CACNB2: variants seen among roughly 807,000 people sequenced by gnomAD.
CACNB2 encodes calcium voltage-gated channel auxiliary subunit beta 2, also known as voltage-dependent L-type calcium channel subunit beta-2.
A neutral mutation model predicts 73.3 loss-of-function variants in CACNB2; 42 were observed. The ratio of observed to expected loss-of-function variants is 0.57; its 90% CI spans 0.45 to 0.74. CACNB2 has a LOEUF of 0.74. CACNB2 is among the 30% of genes least tolerant of loss of function. CACNB2 has a pLI of 0.00. For synonymous variants in CACNB2, 348 were observed against 310.3 expected (o/e 1.12, Z -1.28); for missense variants, 940 against 853.0 (o/e 1.10, Z -1.27).
At chr10:18,296,287 T>C (rs1281381806) in intron 2 of CACNB2, among the ~76,000 whole-genome samples, 2 of 152,158 alleles carry the variant, frequency 1.3e-5, no homozygotes, top group Non-Finnish European at 2.9e-5. Context: ...GTTCCCTTTC[T>C]GGATTACATT....
At chr10:18,347,842 C>T (rs943753343) in intron 2 of CACNB2, among the ~76,000 whole-genome samples, 1 of 152,138 alleles carries the variant, frequency 6.6e-6, no homozygotes, top group Non-Finnish European at 1.5e-5. Context: ...CGTGACTTCG[C>T]TTAATGAGAT....
At chr10:18,299,585 C>T (rs371425138) in intron 2 of CACNB2, among the ~76,000 whole-genome samples, 67 of 152,258 alleles carry the variant, frequency 4.4e-4, no homozygotes, top group Middle Eastern at 6.8e-3. Flanking sequence ...GTGGCATATA[C>T]CTTTACTCCC....
intron 3 of CACNB2, among the ~76,000 whole-genome samples, chr10:18,465,717 TG>T (rs1319784334): frequency 6.6e-6 from 1 of 152,040 alleles, no homozygotes; most frequent in Non-Finnish European, 1.5e-5. Flanking sequence ...CCTCTCCCTT[TG>T]TCAACCATGC....
At chr10:18,193,561 T>C (rs905397860) in intron 2 of CACNB2, among the ~76,000 whole-genome samples, 13 of 152,184 alleles carry the variant, frequency 8.5e-5, no homozygotes, top group Non-Finnish European at 1.9e-4. Flanking sequence ...AGGGCAGTAC[T>C]CCCTTCTGGA....
At chr10:18,518,588 C>T (rs756828187) in intron 8 of CACNB2, among the ~76,000 whole-genome samples, 172 bp downstream of exon 8, 12 of 152,230 alleles carry the variant, frequency 7.9e-5, no homozygotes, top group African/African-American at 1.4e-4. Flanking sequence ...TACACTGCTT[C>T]GTCCTTTTTC....
At position 18,518,948 on chromosome 10, in the gene CACNB2, A is replaced by G. The variant is rs1407806193; in HGVS notation, c.924A>G (p.Leu308=). 1 of 1,613,916 alleles carries G rather than the reference A, an allele frequency of 6.2e-7. No homozygotes were observed. Among genetic ancestry groups the G allele is most frequent in the Admixed American group, 1.7e-5 (1 of 60,022 alleles). The change falls in exon 9 of 14, where the codon TTA becomes TTG. Residue 308 remains leucine, a synonymous_variant. Transcript: ENST00000324631. The part of the protein sequence containing the change: ...DMMQKALFDF[L]KHRFEGRISI... Reference sequence around the variant, plus strand: ...TGCAAAAAGCGCTGTTTGATTTTTTAAAACACAGATTTGAAGGGCGGTGAG... The same window carrying G: ...TGCAAAAAGCGCTGTTTGATTTTTTGAAACACAGATTTGAAGGGCGGTGAG...
chr10:18,336,212 G>T (rs2040999246), intron 2 of CACNB2, among the ~76,000 whole-genome samples: 1 of 152,220 alleles, frequency 6.6e-6, no homozygotes, highest in African/African-American at 2.4e-5. Flanking sequence ...AAGCCAGTTT[G>T]AAAGATTATG....
chr10:18,387,302 G>C (rs1336895644), intron 2 of CACNB2, among the ~76,000 whole-genome samples: 1 of 152,020 alleles, frequency 6.6e-6, no homozygotes, highest in African/African-American at 2.4e-5. Context: ...CCCTCATAGT[G>C]TCCCATGGCT....
intron 2 of CACNB2, among the ~76,000 whole-genome samples, chr10:18,243,203 A>G (rs2036731498): frequency 6.6e-6 from 1 of 152,116 alleles, no homozygotes; most frequent in African/African-American, 2.4e-5. Flanking sequence ...AGTAATACAC[A>G]AAGTCCCTAA....
intron 2 of CACNB2, among the ~76,000 whole-genome samples, chr10:18,243,751 C>T (rs1000488139): frequency 1.3e-5 from 2 of 152,150 alleles, no homozygotes; most frequent in African/African-American, 4.8e-5. Flanking sequence ...CACACCTGAT[C>T]CCCTTCCGGC....
intron 2 of CACNB2, among the ~76,000 whole-genome samples, chr10:18,236,284 A>C (rs2036441374): frequency 6.6e-6 from 1 of 152,204 alleles, no homozygotes; most frequent in Non-Finnish European, 1.5e-5. Flanking sequence ...CCATTGGTTA[A>C]AACCAAACAC....
chr10:18,193,808 G>A (rs1279385386), intron 2 of CACNB2, among the ~76,000 whole-genome samples: 1 of 152,090 alleles, frequency 6.6e-6, no homozygotes, highest in Non-Finnish European at 1.5e-5. Flanking sequence ...TTATATGCTG[G>A]GTACTCCTCT....
intron 3 of CACNB2, among the ~76,000 whole-genome samples, chr10:18,463,802 T>C (rs2047716159): frequency 6.6e-6 from 1 of 152,028 alleles, no homozygotes; most frequent in South Asian, 2.1e-4. Flanking sequence ...TGACATATTA[T>C]GGACATTATG....
chr10:18,311,364 A>G (rs1256531527), intron 2 of CACNB2, among the ~76,000 whole-genome samples: 1 of 152,174 alleles, frequency 6.6e-6, no homozygotes, highest in African/African-American at 2.4e-5. Context: ...CTGCGGCTCC[A>G]TGTAGATAGG....
intron 2 of CACNB2, among the ~76,000 whole-genome samples, chr10:18,271,002 TGCTCTCAGTCAGTCTATGAA>T (rs1424388615): frequency 2.0e-5 from 3 of 152,200 alleles, no homozygotes. Flanking sequence ...ATGGGGGTAA[TGCTCTCAGTCAGTCTATGAA>T]GCTTCCCCTA....
chr10:18,401,079 G>A, intron 2 of CACNB2: 4 of 1,614,196 alleles, frequency 2.5e-6, no homozygotes, highest in Non-Finnish European at 3.4e-6. Flanking sequence ...AGGGAGGAAG[G>A]CTGAAGAATT....
intron 3 of CACNB2, among the ~76,000 whole-genome samples, chr10:18,475,640 A>G (rs929413991): frequency 6.6e-6 from 1 of 152,142 alleles, no homozygotes; most frequent in Non-Finnish European, 1.5e-5. Flanking sequence ...CCTTACCCCA[A>G]ATAACAAATC....
At chr10:18,316,195 G>T (rs957003114) in intron 2 of CACNB2, among the ~76,000 whole-genome samples, 8 of 151,996 alleles carry the variant, frequency 5.3e-5, no homozygotes, top group African/African-American at 1.9e-4. Flanking sequence ...AAGGTTAATA[G>T]GTACTTGAAA....
intron 3 of CACNB2, among the ~76,000 whole-genome samples, chr10:18,464,418 T>TAAAATAAAAAAAAAA (rs1554824204): frequency 4.5e-4 from 38 of 85,294 alleles, no homozygotes; most frequent in African/African-American, 6.0e-4. Flanking sequence ...TCTCAAAAAT[T>TAAAATAAAAAAAAAA]AAAAAAAAAA....
Sources: gnomAD v4.1 joint callset for allele counts (sites outside exome capture counted in the v4.1 genomes callset) on GRCh38, gnomAD v4.1.1 for gene constraint, MANE v1.5 for transcripts, NCBI Gene and HGNC (gene_info 2026-07-23, HGNC 2026-07-21) for gene names.